Variants in MCF2L2 observed in about 807,000 individuals in gnomAD.
MCF2L2 encodes probable guanine nucleotide exchange factor MCF2L2.
Under a neutral mutation model 150.2 loss-of-function variants are expected in MCF2L2, and 102 were observed. That is an observed-to-expected ratio of 0.68 (90% CI 0.58 to 0.80). The LOEUF (loss-of-function observed/expected upper bound fraction) is 0.80. Ranked by LOEUF, MCF2L2 falls within the 30% of genes least tolerant of loss-of-function variation. The pLI is 0.00. For missense variants in MCF2L2, 1,256 were observed against 1,372.8 expected, an observed-to-expected ratio of 0.91 and a Z score of 1.34; for synonymous variants, 465 against 491.3, an observed-to-expected ratio of 0.95 and a Z score of 0.71.
chr3:183,320,360 T>C (rs897764659), intron 6 of MCF2L2, among the ~76,000 whole-genome samples: 1 of 152,168 alleles, frequency 6.6e-6, no homozygotes, highest in African/African-American at 2.4e-5. Context: ...TCCCAAGTGC[T>C]GGGATTACAG....
At chr3:183,400,191 T>TA (rs905382468) in intron 1 of MCF2L2, among the ~76,000 whole-genome samples, 2 of 152,206 alleles carry the variant, frequency 1.3e-5, no homozygotes, top group Admixed American at 6.5e-5. Flanking sequence ...ATGCTTTTTT[T>TA]AAAAAAGTCA....
intron 15 of MCF2L2, among the ~76,000 whole-genome samples, chr3:183,261,421 A>G (rs777442885): frequency 1.3e-5 from 2 of 152,198 alleles, no homozygotes; most frequent in Admixed American, 1.3e-4. Flanking sequence ...ATGTGTGGAC[A>G]GGAACTAAAA....
chr3:183,337,577 A>G (rs1010837136), intron 5 of MCF2L2, among the ~76,000 whole-genome samples: 7 of 149,878 alleles, frequency 4.7e-5, no homozygotes, highest in African/African-American at 9.8e-5. Context: ...AAAAGAAGAA[A>G]AAAAAGAAAC....
chr3:183,364,360 CA>C (rs554590575), intron 3 of MCF2L2, among the ~76,000 whole-genome samples: 10 of 148,118 alleles, frequency 6.8e-5, no homozygotes, highest in African/African-American at 9.9e-5. Flanking sequence ...ACTAAAAATA[CA>C]AAAAAAAAAT....
intron 1 of MCF2L2, among the ~76,000 whole-genome samples, chr3:183,415,371 G>C (rs1402556468): frequency 2.0e-5 from 3 of 152,110 alleles, no homozygotes; most frequent in African/African-American, 7.2e-5. Flanking sequence ...ATTTTTAGTA[G>C]AGACGAGGTT....
At chr3:183,402,207 G>T (rs1230605080) in intron 1 of MCF2L2, among the ~76,000 whole-genome samples, 1 of 151,972 alleles carries the variant, frequency 6.6e-6, no homozygotes, top group Non-Finnish European at 1.5e-5. Context: ...ACTTTGGGAG[G>T]CCGAGGCAGG....
intron 3 of MCF2L2, among the ~76,000 whole-genome samples, chr3:183,356,130 G>C (rs1176952923): frequency 8.0e-6 from 1 of 124,562 alleles, no homozygotes; most frequent in East Asian, 2.5e-4. Context: ...CTCAAAAGAA[G>C]AATACAAAGA....
In MCF2L2 at chr3:183,360,991, A is replaced by AGAGAAG. The variant is rs1560040073; in HGVS notation, c.275+18305_275+18306insCTTCTC. Among the ~76,000 whole-genome samples the AGAGAAG allele has an allele frequency of 7.5e-5, 10 of 133,512 alleles. 1 individual carries two copies. Among genetic ancestry groups the AGAGAAG allele is most frequent in the South Asian group, 6.7e-4 (3 of 4,506 alleles). The allele number at this position is 133,512 out of a possible 152,430, so 87.6% of individuals were successfully genotyped here. On this transcript the variant is annotated intron_variant, in intron 3 of 29. Coordinates refer to ENST00000328913, the MANE Select transcript of MCF2L2 (RefSeq NM_015078.4). Reference sequence around the variant, plus strand: ...AAGAAAAGAAAAGAAAAGAAAAGAAAAGAAAAGAAAAGAAAAGAAAAGAAA... The same window carrying AGAGAAG: ...AAGAAAAGAAAAGAAAAGAAAAGAAAGAGAAGAGAAAAGAAAAGAAAAGAAAAGAAA...
chr3:183,349,024 T>C (rs913372827), intron 3 of MCF2L2, among the ~76,000 whole-genome samples: 17 of 152,210 alleles, frequency 1.1e-4, no homozygotes, highest in African/African-American at 3.9e-4. Flanking sequence ...GCAGACGATA[T>C]TCTTTTCAAA....
Position 183,268,453 on chromosome 3 carries a change from G to A in MCF2L2, c.1862+8419C>T, listed in dbSNP as rs533721186. On this transcript the variant is annotated intron_variant, in intron 15 of 29. Transcript: ENST00000328913. ...ATGATAACATGAAGGGGTGAAGAGA[G>A]ATTTAGAAGAAGTGATTCACAGGAT... is the stretch of plus-strand genomic sequence containing the variant. Among the ~76,000 whole-genome samples the A allele has an allele frequency of 1.3e-4, 20 of 151,980 alleles. No homozygotes were observed. The South Asian group carries it at 3.7e-3, about 28-fold the overall frequency.
intron 5 of MCF2L2, among the ~76,000 whole-genome samples, chr3:183,329,719 T>C (rs1334819806): frequency 6.6e-6 from 1 of 152,262 alleles, no homozygotes; most frequent in Non-Finnish European, 1.5e-5. Flanking sequence ...TGTCACTTAA[T>C]GACAGAGATC....
intron 6 of MCF2L2, among the ~76,000 whole-genome samples, chr3:183,322,275 C>T (rs565391595): frequency 7.2e-5 from 11 of 152,346 alleles, no homozygotes; most frequent in African/African-American, 2.6e-4. Flanking sequence ...CTTTCACAGA[C>T]AATACATCAC....
At chr3:183,367,869 C>T (rs751626302) in intron 3 of MCF2L2, among the ~76,000 whole-genome samples, 1 of 152,172 alleles carries the variant, frequency 6.6e-6, no homozygotes, top group East Asian at 1.9e-4. Context: ...TAAAGAAACA[C>T]AAGATACTGT....
intron 2 of MCF2L2, among the ~76,000 whole-genome samples, chr3:183,382,034 G>A (rs1258727954): frequency 2.0e-5 from 3 of 148,876 alleles, no homozygotes; most frequent in African/African-American, 7.3e-5. Flanking sequence ...ATGTGATTAT[G>A]CCATTTAATT....
chr3:183,179,353 C>T lies in MCF2L2; in HGVS notation c.*27G>A. ...CCCGGGAATGCGGGCGCTCTGGAGC[C>T]GAGGAGCGGGGGCGTCCGCAGGGAG... is the stretch of plus-strand genomic sequence containing the variant. On this transcript the variant is annotated 3_prime_UTR_variant, in exon 30 of 30. Coordinates refer to ENST00000328913, the MANE Select transcript of MCF2L2 (RefSeq NM_015078.4). The surrounding 1 kb of genome is among the most constrained non-coding windows in gnomAD (Gnocchi z 4.2). The T allele has an allele frequency of 7.1e-7, 1 of 1,417,952 alleles. No homozygotes were observed. Among genetic ancestry groups the T allele is most frequent in the Non-Finnish European group, 9.2e-7 (1 of 1,088,064 alleles). The allele number at this position is 1,417,952 out of a possible 1,614,324, so 87.8% of individuals were successfully genotyped here.
chr3:183,343,488 A>G (rs1730780291), intron 3 of MCF2L2, among the ~76,000 whole-genome samples: 1 of 151,212 alleles, frequency 6.6e-6, no homozygotes, highest in South Asian at 2.1e-4. Flanking sequence ...CTCCTACCTC[A>G]GCCTCCTGAG....
chr3:183,307,818 C>A (rs554274548), intron 10 of MCF2L2, among the ~76,000 whole-genome samples: 1 of 152,236 alleles, frequency 6.6e-6, no homozygotes, highest in African/African-American at 2.4e-5. Context: ...ACAGGACTAC[C>A]TGGCCTCTGC....
chr3:183,391,033 A>G (rs1714115283), intron 1 of MCF2L2, among the ~76,000 whole-genome samples: 1 of 152,188 alleles, frequency 6.6e-6, no homozygotes. Flanking sequence ...GGAATTTCCT[A>G]CTGATTCATT....
At chr3:183,260,019 G>A (rs932241125) in intron 15 of MCF2L2, among the ~76,000 whole-genome samples, 46 of 152,156 alleles carry the variant, frequency 3.0e-4, no homozygotes, top group African/African-American at 1.1e-3. Context: ...CTCCTCCCCT[G>A]CCCTCCCCTC....
Sources: allele counts gnomAD v4.1 joint callset (sites outside exome capture counted in the v4.1 genomes callset), GRCh38; gene constraint gnomAD v4.1.1; non-coding constraint Gnocchi (gnomAD v3.1); transcripts MANE v1.5; gene names NCBI Gene and HGNC (gene_info 2026-07-23, HGNC 2026-07-21).